ARHGAP12: variants seen among roughly 807,000 people sequenced by gnomAD.
ARHGAP12 encodes the protein Rho GTPase activating protein 12.
ARHGAP12 carries 64 observed loss-of-function variants against 108.6 expected under a neutral mutation model. That is an observed-to-expected ratio of 0.59 (90% CI 0.48 to 0.73). The LOEUF (loss-of-function observed/expected upper bound fraction) is 0.73. ARHGAP12 is among the 30% of genes least tolerant of loss of function. The pLI is 0.00. For synonymous variants in ARHGAP12, 312 were observed against 337.2 expected, an observed-to-expected ratio of 0.93 and a Z score of 0.82; for missense variants, 940 against 1,005.9, an observed-to-expected ratio of 0.93 and a Z score of 0.89.
At chr10:31,811,122 C>T (rs1358794632) in intron 15 of ARHGAP12, among the ~76,000 whole-genome samples, 1 of 152,180 alleles carries the variant, frequency 6.6e-6, no homozygotes, top group East Asian at 1.9e-4. Context: ...TATTTTATTA[C>T]TGTGTTAGAT....
Position 31,852,617 on chromosome 10 carries a change from G to A in ARHGAP12, c.1090-20C>T, listed in dbSNP as rs753091970. ...GAGCCACTATAAAAACAGAACAGGT[G>A]TTTTTTATTAAATTTAAATAAAAGT... On this transcript the variant is annotated intron_variant, in intron 5 of 19. Transcript: ENST00000344936. The A allele has an allele frequency of 4.5e-6, 7 of 1,539,104 alleles. No individual in the cohort carries two copies. In the African/African-American group the frequency reaches 9.7e-5, roughly 21 times the overall value.
Position 31,837,043 on chromosome 10 carries a change from C to T in ARHGAP12, c.1386+2262G>A, listed in dbSNP as rs550185046. Among the ~76,000 whole-genome samples the T allele has an allele frequency of 1.2e-3, 176 of 152,238 alleles. 1 individual carries two copies. The highest frequency in any genetic ancestry group is 3.4e-3 in the Middle Eastern group (1 of 294). ...CCGGCATGGTCTAGCTGCTGTCAAA[C>T]TTCAGAAAATGGATAAATGGGTGGT... On this transcript the variant is annotated intron_variant, in intron 9 of 19. Coordinates refer to ENST00000344936, the MANE Select transcript of ARHGAP12 (RefSeq NM_018287.7).
chr10:31,888,654 C>T (rs1019380787), intron 3 of ARHGAP12, among the ~76,000 whole-genome samples: 7 of 152,156 alleles, frequency 4.6e-5, no homozygotes, highest in African/African-American at 1.4e-4. Flanking sequence ...AAACATTCCC[C>T]TTTGTCTAAG....
chr10:31,927,293 A>G (rs1463804217), intron 1 of ARHGAP12, among the ~76,000 whole-genome samples: 3 of 151,732 alleles, frequency 2.0e-5, no homozygotes, highest in Non-Finnish European at 4.4e-5. Flanking sequence ...CCGATTCTGT[A>G]AAACACCCTC....
At chr10:31,846,899 A>AG (rs1554778840) in intron 6 of ARHGAP12, among the ~76,000 whole-genome samples, 1 of 84,628 alleles carries the variant, frequency 1.2e-5, no homozygotes, top group Non-Finnish European at 2.3e-5. Flanking sequence ...GGCACTGTTC[A>AG]TTTTTTTTTT....
intron 3 of ARHGAP12, among the ~76,000 whole-genome samples, chr10:31,873,925 A>T (rs373314467): frequency 6.6e-6 from 1 of 152,350 alleles, no homozygotes; most frequent in East Asian, 1.9e-4. Flanking sequence ...TGATAAGGCA[A>T]CATGCGATGA....
intron 4 of ARHGAP12, among the ~76,000 whole-genome samples, chr10:31,859,095 T>C (rs776095335): frequency 4.6e-5 from 7 of 152,092 alleles, no homozygotes; most frequent in Non-Finnish European, 7.4e-5. Context: ...AGCAGACATA[T>C]GGAGAGTTAT....
In ARHGAP12 at chr10:31,866,304, C is replaced by T. The variant is rs369181689; in HGVS notation, c.685-4646G>A. On this transcript the variant is annotated intron_variant, in intron 3 of 19. Coordinates refer to ENST00000344936, the MANE Select transcript of ARHGAP12 (RefSeq NM_018287.7). ...ATTAAGAAGTTTTTAAAGACTTCAG[C>T]TACCAGCCATGAGGATCTGAAACTA... Among the ~76,000 whole-genome samples, 3 of 152,338 alleles carry T rather than the reference C, an allele frequency of 2.0e-5. No individual in the cohort carries two copies. The East Asian group carries it at 5.8e-4, about 29-fold the overall frequency.
At chr10:31,884,310 A>G (rs530087428) in intron 3 of ARHGAP12, among the ~76,000 whole-genome samples, 153 of 151,426 alleles carry the variant, frequency 1.0e-3, no homozygotes, top group African/African-American at 3.4e-3. Context: ...TGAAAAAGTG[A>G]TTAATCTCCC....
At chr10:31,835,700 T>C (rs936133523) in intron 9 of ARHGAP12, among the ~76,000 whole-genome samples, 1 of 152,154 alleles carries the variant, frequency 6.6e-6, no homozygotes, top group Non-Finnish European at 1.5e-5. Context: ...AATTGTGTAA[T>C]AATAAGATTT....
chr10:31,889,151 A>T (rs1404671067), intron 3 of ARHGAP12, among the ~76,000 whole-genome samples: 1 of 152,206 alleles, frequency 6.6e-6, no homozygotes, highest in Non-Finnish European at 1.5e-5. Context: ...ACCTCAAGTG[A>T]TCCGCCCACC....
intron 3 of ARHGAP12, among the ~76,000 whole-genome samples, chr10:31,863,150 G>T (rs561990502): frequency 2.2e-4 from 33 of 152,202 alleles, no homozygotes; most frequent in African/African-American, 7.2e-4. Flanking sequence ...ATGCAAATTC[G>T]ACTATTTTCC....
At chr10:31,890,249 T>C (rs934383176) in intron 3 of ARHGAP12, among the ~76,000 whole-genome samples, 2 of 152,186 alleles carry the variant, frequency 1.3e-5, no homozygotes, top group African/African-American at 4.8e-5. Flanking sequence ...AGTCCCCACA[T>C]TGTCCTAAAT....
At chr10:31,878,366 A>G (rs1192033011) in intron 3 of ARHGAP12, among the ~76,000 whole-genome samples, 4 of 152,224 alleles carry the variant, frequency 2.6e-5, no homozygotes, top group Non-Finnish European at 5.9e-5. Flanking sequence ...ATAATTTCAC[A>G]CTAAAACTCC....
Position 31,812,824 on chromosome 10 carries a change from C to A in ARHGAP12, c.1835-1G>T. ...GAATCTATGCTAGATACTTTAAAGG[C>A]TTAAGACAAAAAGACAGGTAATGAG... is the stretch of plus-strand genomic sequence containing the variant. On this transcript the variant is annotated splice_acceptor_variant, in intron 14 of 19. Transcript: ENST00000344936. LOFTEE classifies it high-confidence loss of function. The A allele has an allele frequency of 1.3e-6, 2 of 1,523,682 alleles. No homozygotes were observed. Among genetic ancestry groups the A allele is most frequent in the Non-Finnish European group, 1.8e-6 (2 of 1,125,602 alleles). 94.4% of individuals were successfully genotyped at this position (1,523,682 alleles called of 1,614,324 possible).
At chr10:31,910,798 G>A (rs1161691643) in intron 1 of ARHGAP12, among the ~76,000 whole-genome samples, 7 of 152,116 alleles carry the variant, frequency 4.6e-5, no homozygotes. Flanking sequence ...CTTCCACACT[G>A]TCTCAAACTT....
chr10:31,839,605 T>C, intron 8 of ARHGAP12, 32 bp downstream of exon 8: 3 of 1,535,682 alleles, frequency 2.0e-6, no homozygotes, highest in Non-Finnish European at 2.7e-6. Context: ...ATAACTGGAC[T>C]ACATTATAAG....
At chr10:31,900,098 A>C (rs1175694030) in intron 3 of ARHGAP12, among the ~76,000 whole-genome samples, 1 of 152,216 alleles carries the variant, frequency 6.6e-6, no homozygotes, top group Non-Finnish European at 1.5e-5. Context: ...AAAGATGGCA[A>C]ATAATAAGCA....
chr10:31,888,875 G>A (rs1330438673), intron 3 of ARHGAP12, among the ~76,000 whole-genome samples: 3 of 152,062 alleles, frequency 2.0e-5, no homozygotes, highest in African/African-American at 7.2e-5. Context: ...TTCTGGGGCT[G>A]ATTTGGAGAA....
Sources: gnomAD v4.1 joint callset for allele counts (sites outside exome capture counted in the v4.1 genomes callset) on GRCh38, gnomAD v4.1.1 for gene constraint, MANE v1.5 for transcripts, NCBI Gene and HGNC (gene_info 2026-07-23, HGNC 2026-07-21) for gene names.